The following GRIA1 variants were observed in gnomAD, a reference collection of about 807,000 sequenced individuals.
GRIA1 encodes the protein glutamate ionotropic receptor AMPA type subunit 1, also known as glutamate receptor 1.
Under a neutral mutation model 99.2 loss-of-function variants are expected in GRIA1, and 31 were observed. The ratio of observed to expected loss-of-function variants is 0.31; its 90% CI spans 0.23 to 0.42. The LOEUF is 0.42. Among genes scored for constraint, GRIA1 ranks in the 10% least tolerant of loss-of-function variants. The pLI is 1.00. For synonymous variants in GRIA1, 438 were observed against 432.4 expected (o/e 1.01, Z -0.16); for missense variants, 782 against 1,157.5 (o/e 0.68, Z 4.71).
chr5:153,546,141 A>G (rs1489264803), intron 2 of GRIA1, among the ~76,000 whole-genome samples: 1 of 152,228 alleles, frequency 6.6e-6, no homozygotes, highest in Non-Finnish European at 1.5e-5. Context: ...GTAGGGGAAC[A>G]TTAGATGTTC....
At chr5:153,557,820 A>G (rs952605594) in intron 2 of GRIA1, 1 of 152,236 alleles carries the variant, frequency 6.6e-6, no homozygotes, top group Non-Finnish European at 1.5e-5. Flanking sequence ...AAAGGTCTTC[A>G]GTGGCAATAG....
intron 2 of GRIA1, among the ~76,000 whole-genome samples, chr5:153,520,853 T>C (rs190016494): frequency 7.4e-4 from 112 of 152,348 alleles, no homozygotes; most frequent in Non-Finnish European, 3.7e-4. Context: ...TTATATTTCT[T>C]ACTTTCACTG....
chr5:153,545,136 T>C (rs972758080), intron 2 of GRIA1, among the ~76,000 whole-genome samples: 29 of 152,254 alleles, frequency 1.9e-4, no homozygotes, highest in African/African-American at 7.0e-4. Context: ...AATAGAAACA[T>C]TGAAAGATGG....
At chr5:153,595,366 T>C (rs1764338170) in intron 2 of GRIA1, among the ~76,000 whole-genome samples, 1 of 152,190 alleles carries the variant, frequency 6.6e-6, no homozygotes, top group South Asian at 2.1e-4. Flanking sequence ...GTGTGGTGCA[T>C]TTGTCACAGT....
intron 2 of GRIA1, among the ~76,000 whole-genome samples, chr5:153,628,850 A>G (rs1043728936): frequency 6.6e-6 from 1 of 152,142 alleles, no homozygotes; most frequent in Non-Finnish European, 1.5e-5. Flanking sequence ...GTTCAGATCC[A>G]GTAGTGAGTG....
rs183663930 is a variant in GRIA1, at chr5:153,587,094, T to C, written c.221-59834T>C. Among the ~76,000 whole-genome samples, 70 of 152,262 alleles carry C rather than the reference T, an allele frequency of 4.6e-4. 1 individual carries two copies. Among genetic ancestry groups the C allele is most frequent in the Middle Eastern group, 3.4e-3 (1 of 294 alleles). The stretch of plus-strand genomic sequence containing the variant: ...AGTGTGATATAGTTTGGATGTTTGC[T>C]CCCACCCAAATCTCATGTTGAATTG... On this transcript the variant is annotated intron_variant, in intron 2 of 15. Transcript: ENST00000285900.
At chr5:153,774,948 G>A (rs999778425) in intron 13 of GRIA1, among the ~76,000 whole-genome samples, 1 of 152,180 alleles carries the variant, frequency 6.6e-6, no homozygotes, top group Non-Finnish European at 1.5e-5. Context: ...TTGGACAGGT[G>A]GTGTTTCTTT....
chr5:153,696,383 A>T (rs891471553), intron 8 of GRIA1, among the ~76,000 whole-genome samples: 5 of 152,342 alleles, frequency 3.3e-5, no homozygotes, highest in African/African-American at 1.2e-4. Flanking sequence ...GGCTAAATGC[A>T]GCCTCTGGAG....
intron 11 of GRIA1, among the ~76,000 whole-genome samples, chr5:153,720,576 G>T (rs931687091): frequency 5.9e-5 from 9 of 152,198 alleles, no homozygotes; most frequent in Non-Finnish European, 2.9e-5. Flanking sequence ...ACATTGAGTT[G>T]CTGTGCCTTT....
Position 153,747,991 on chromosome 5 carries a change from G to C in GRIA1, c.1824-16443G>C, listed in dbSNP as rs191730650. 8.2e-3 allele frequency among the ~76,000 whole-genome samples: 1,249 copies of C among 152,328 alleles called. 61 individuals carry two copies. Among genetic ancestry groups the C allele is most frequent in the Admixed American group, 0.072 (1,102 of 15,290 alleles). On this transcript the variant is annotated intron_variant, in intron 11 of 15. Transcript: ENST00000285900. The stretch of plus-strand genomic sequence containing the variant: ...TTCATTTATTCAGTGTATGTTCACT[G>C]AGCACCTATTGTGTGCCAGGCACTG...
intron 5 of GRIA1, 146 bp from the exon 6 acceptor site, chr5:153,674,354 G>A: frequency 1.1e-6 from 1 of 885,926 alleles, no homozygotes; most frequent in Non-Finnish European, 1.8e-6. Flanking sequence ...TAATAATCAA[G>A]TTCAAAGGAA....
At chr5:153,744,141 G>C (rs1761996976) in intron 11 of GRIA1, among the ~76,000 whole-genome samples, 1 of 152,162 alleles carries the variant, frequency 6.6e-6, no homozygotes, top group African/African-American at 2.4e-5. Flanking sequence ...GTTAGAGGGA[G>C]GGCATTCTGA....
intron 14 of GRIA1, among the ~76,000 whole-genome samples, chr5:153,796,988 C>G (rs527515184): frequency 1.2e-3 from 190 of 152,298 alleles, no homozygotes; most frequent in Non-Finnish European, 2.2e-3. Context: ...CTGGAAGGAC[C>G]TGGGAATTCA....
chr5:153,674,579 A>T lies in GRIA1; in HGVS notation c.779A>T (p.Asp260Val). Residue 260 changes from aspartate (D) to valine (V), a missense_variant, in exon 6 of 16, where the codon GAC becomes GTC. Transcript: ENST00000285900. ...VTGFQLVNYT[D>V]TIPAKIMQQW... ...GGTTTCCAGCTGGTGAACTACACAGACACTATTCCGGCCAAGATCATGCAG... is the reference window on the plus strand; with the variant it reads ...GGTTTCCAGCTGGTGAACTACACAGTCACTATTCCGGCCAAGATCATGCAG... The T allele has an allele frequency of 6.2e-7, 1 of 1,614,084 alleles. No individual in the cohort carries two copies. Among genetic ancestry groups the T allele is most frequent in the Non-Finnish European group, 8.5e-7 (1 of 1,179,986 alleles).
At chr5:153,491,151 A>G in intron 1 of GRIA1, 181 bp downstream of exon 1, 1 of 975,374 alleles carries the variant, frequency 1.0e-6, no homozygotes, top group Non-Finnish European at 1.5e-6. Context: ...TCCTGATCGG[A>G]TGAGGGGCAG....
At chr5:153,543,863 C>A (rs1431210309) in intron 2 of GRIA1, among the ~76,000 whole-genome samples, 1 of 151,920 alleles carries the variant, frequency 6.6e-6, no homozygotes, top group African/African-American at 2.4e-5. Flanking sequence ...AAGTGCCTGC[C>A]CTCAGTGAGC....
At chr5:153,770,122 C>A (rs1194965028) in intron 12 of GRIA1, 46 bp from the exon 13 acceptor site, 1 of 1,603,120 alleles carries the variant, frequency 6.2e-7, no homozygotes, top group Admixed American at 1.7e-5. Flanking sequence ...GCACCGACCC[C>A]AATTCCAAGC....
At chr5:153,652,630 A>G (rs528391845) in intron 4 of GRIA1, among the ~76,000 whole-genome samples, 32 of 152,356 alleles carry the variant, frequency 2.1e-4, no homozygotes, top group African/African-American at 7.5e-4. Flanking sequence ...TTTGTAAAGA[A>G]GTGACCCGTT....
chr5:153,802,595 G>A, intron 15 of GRIA1, 105 bp downstream of exon 15: 1 of 1,147,882 alleles, frequency 8.7e-7, no homozygotes, highest in Admixed American at 1.7e-5. Context: ...GGTGGTTGAG[G>A]TCAGCACAAG....
Sources: allele counts gnomAD v4.1 joint callset (sites outside exome capture counted in the v4.1 genomes callset), GRCh38; gene constraint gnomAD v4.1.1; transcripts MANE v1.5; gene names NCBI Gene and HGNC (gene_info 2026-07-23, HGNC 2026-07-21).